RBBP8: variants seen among roughly 807,000 people sequenced by gnomAD.
RBBP8 encodes the protein DNA endonuclease RBBP8.
In RBBP8, 88 loss-of-function variants were observed where a neutral mutation model predicts 108.3. The ratio of observed to expected loss-of-function variants is 0.81; its 90% CI spans 0.68 to 0.97. RBBP8 has a LOEUF of 0.97. RBBP8 is among the 50% of genes least tolerant of loss of function. RBBP8 has a pLI of 0.00. For missense variants in RBBP8, 1,023 were observed against 1,049.0 expected (o/e 0.98, Z 0.34); for synonymous variants, 332 against 348.2 (o/e 0.95, Z 0.52).
chr18:22,996,448 G>A lies in RBBP8; in HGVS notation c.2014G>A (p.Val672Ile), dbSNP rs1266262732. The part of the protein sequence containing the change: ...DLSQYKMDVT[V>I]IDTKDGSQSK... ...TTCTCAGTATAAAATGGATGTTACT[G>A]TAATAGATACAAAGGTAAGTTAAAA... The change falls in exon 13 of 19, where the codon GTA becomes ATA. Residue 672 changes from valine to isoleucine, a missense_variant. Val to Ile is a conservative substitution (Grantham distance 29). Coordinates refer to ENST00000327155, the MANE Select transcript of RBBP8 (RefSeq NM_002894.3). 1.9e-6 allele frequency: 3 copies of A among 1,613,364 alleles called. No individual in the cohort carries two copies. The highest frequency in any genetic ancestry group is 2.2e-5 in the East Asian group (1 of 44,794).
chr18:23,000,638 A>T (rs1169113444), intron 14 of RBBP8, among the ~76,000 whole-genome samples: 1 of 151,544 alleles, frequency 6.6e-6, no homozygotes. Context: ...GCTACTTGGG[A>T]GGCTGAAGCA....
In RBBP8 at chr18:22,998,431, C is replaced by T. The variant is rs1432745655; in HGVS notation, c.2143+697C>T. Among the ~76,000 whole-genome samples the T allele has an allele frequency of 3.9e-5, 6 of 152,088 alleles. No individual in the cohort carries two copies. The East Asian group carries it at 7.7e-4, about 20-fold the overall frequency. On this transcript the variant is annotated intron_variant, in intron 14 of 18. Coordinates refer to ENST00000327155, the MANE Select transcript of RBBP8 (RefSeq NM_002894.3). ...TTCTTTACCCAAAGTCTTGATTTTC[C>T]GGAAGAGATGAGAACAATAGGAGGA... is the stretch of plus-strand genomic sequence containing the variant.
At chr18:22,979,055 G>A (rs1914701732) in intron 6 of RBBP8, among the ~76,000 whole-genome samples, 1 of 152,160 alleles carries the variant, frequency 6.6e-6, no homozygotes, top group African/African-American at 2.4e-5. Flanking sequence ...ATCACTTGAG[G>A]TGAGGAGTTT....
intron 17 of RBBP8, among the ~76,000 whole-genome samples, chr18:23,017,269 C>T (rs542412274): frequency 4.0e-5 from 6 of 151,128 alleles, no homozygotes; most frequent in Non-Finnish European, 8.8e-5. Context: ...GCAGGAGAAT[C>T]GCTTGAACCC....
intron 3 of RBBP8, 35 bp downstream of exon 3, chr18:22,946,521 A>G: frequency 1.2e-6 from 2 of 1,609,872 alleles, no homozygotes; most frequent in South Asian, 1.1e-5. Context: ...TGTGTTATTT[A>G]TAGAGTAGTT....
At chr18:22,931,822 C>A (rs1910046705), upstream of RBBP8, among the ~76,000 whole-genome samples, 2 of 152,120 alleles carry the variant, frequency 1.3e-5, no homozygotes, top group African/African-American at 2.4e-5. Flanking sequence ...AGATCATGTA[C>A]CATTTTTCAA....
intron 17 of RBBP8, among the ~76,000 whole-genome samples, chr18:23,020,108 T>TA (rs1036801294): frequency 1.3e-5 from 2 of 151,766 alleles, no homozygotes; most frequent in African/African-American, 2.4e-5. Context: ...CTGGTCATTT[T>TA]TTTTTTTTTT....
intron 7 of RBBP8, among the ~76,000 whole-genome samples, chr18:22,984,370 T>G (rs910288921): frequency 1.3e-5 from 2 of 152,172 alleles, no homozygotes; most frequent in Admixed American, 6.5e-5. Flanking sequence ...TACATTAGAT[T>G]GATTGATCAT....
chr18:23,025,853 T>C (rs1408971300), intron 18 of RBBP8, among the ~76,000 whole-genome samples: 1 of 152,204 alleles, frequency 6.6e-6, no homozygotes, highest in East Asian at 1.9e-4. Flanking sequence ...TTTAACTTCC[T>C]TGGGTCTCTA....
At chr18:22,985,588 G>A (rs1915268486) in intron 8 of RBBP8, among the ~76,000 whole-genome samples, 1 of 152,130 alleles carries the variant, frequency 6.6e-6, no homozygotes, top group African/African-American at 2.4e-5. Context: ...GAGTAAAGGG[G>A]AGATTGGTTT....
chr18:22,929,935 T>C (rs1010340748), upstream of RBBP8, among the ~76,000 whole-genome samples: 10 of 152,194 alleles, frequency 6.6e-5, no homozygotes, highest in African/African-American at 2.4e-4. Context: ...TGCATGAAGT[T>C]TGAAACCATA....
In RBBP8 at chr18:22,975,216, T is replaced by C. The variant is rs768757319; in HGVS notation, c.425T>C (p.Ile142Thr). 28 of 1,612,528 alleles carry C rather than the reference T, an allele frequency of 1.7e-5. No homozygotes were observed. The highest frequency in any genetic ancestry group is 3.3e-4 in the Middle Eastern group (2 of 6,066). ...KKLSEQLQQK[I>T]ENDQQHQAAE... ...CTTTCTGAACAACTCCAGCAGAAAA[T>C]TGAGTAAGTATTTTCCTCCAACCTT... Residue 142 changes from isoleucine to threonine, a missense_variant, in exon 6 of 19, where the codon ATT (isoleucine) becomes ACT (threonine). By Grantham distance (89) the Ile-to-Thr change is moderately conservative. Coordinates refer to ENST00000327155, the MANE Select transcript of RBBP8 (RefSeq NM_002894.3).
chr18:22,921,000 C>T (rs1598619301), intron 3 of RBBP8: 1 of 152,190 alleles, frequency 6.6e-6, no homozygotes, highest in African/African-American at 2.4e-5. Flanking sequence ...ATGACTAATA[C>T]AATTAATCTG....
rs202159760 is a variant in RBBP8 at position 22,990,941 on chromosome 18, C to T, written c.812C>T (p.Thr271Ile). Residue 271 changes from threonine to isoleucine, a missense_variant, in exon 10 of 19, where the codon ACT becomes ATT. By Grantham distance (89) the Thr-to-Ile change is moderately conservative. Transcript: ENST00000327155. ...LGLGVQEESE[T>I]QGPMSPLGDE... Reference sequence around the variant, plus strand: ...CTTCATATTTTACTCTTGAAGGAAACTCAAGGTCCCATGAGCCCCCTTGGT... The same window carrying T: ...CTTCATATTTTACTCTTGAAGGAAATTCAAGGTCCCATGAGCCCCCTTGGT... The T allele has an allele frequency of 1.4e-5, 23 of 1,610,846 alleles. No homozygotes were observed. Among genetic ancestry groups the T allele is most frequent in the Non-Finnish European group, 1.9e-5 (22 of 1,177,300 alleles).
chr18:23,026,336 T>A lies in RBBP8; in HGVS notation c.*96T>A. 1 of 1,033,938 alleles carries A rather than the reference T, an allele frequency of 9.7e-7. No individual in the cohort carries two copies. The highest frequency in any genetic ancestry group is 1.5e-6 in the Non-Finnish European group (1 of 680,720). 64.0% of individuals were successfully genotyped at this position (1,033,938 alleles called of 1,614,324 possible). ...CTAAACATTGATTTTTTTGATCTTCTGTAAATGGATTTATAAATCAGTTTT... is the reference window on the plus strand; with the variant it reads ...CTAAACATTGATTTTTTTGATCTTCAGTAAATGGATTTATAAATCAGTTTT... On this transcript the variant is annotated 3_prime_UTR_variant, in exon 19 of 19. Transcript: ENST00000327155.
chr18:23,015,145 G>A (rs984964293), intron 16 of RBBP8, among the ~76,000 whole-genome samples: 3 of 152,054 alleles, frequency 2.0e-5, no homozygotes, highest in African/African-American at 7.2e-5. Context: ...CAACCCTTTT[G>A]CCCCAGTCTC....
At chr18:22,994,963 C>A (rs1475839672) in intron 12 of RBBP8, among the ~76,000 whole-genome samples, 1 of 151,658 alleles carries the variant, frequency 6.6e-6, no homozygotes, top group East Asian at 1.9e-4. Flanking sequence ...TGGACTCAAG[C>A]CATCTGCCTG....
At chr18:22,982,672 T>G (rs918827935) in intron 7 of RBBP8, among the ~76,000 whole-genome samples, 2 of 152,204 alleles carry the variant, frequency 1.3e-5, no homozygotes, top group Admixed American at 6.5e-5. Context: ...TATTCCTATG[T>G]GTATATATCC....
intron 8 of RBBP8, among the ~76,000 whole-genome samples, chr18:22,985,643 T>C (rs907501247): frequency 6.6e-6 from 1 of 152,012 alleles, no homozygotes; most frequent in African/African-American, 2.4e-5. Flanking sequence ...GATGGAAGAC[T>C]GGGAGCCGCA....
Sources: gnomAD v4.1 joint callset for allele counts (sites outside exome capture counted in the v4.1 genomes callset) on GRCh38, gnomAD v4.1.1 for gene constraint, MANE v1.5 for transcripts, NCBI Gene and HGNC (gene_info 2026-07-23, HGNC 2026-07-21) for gene names.